Variants in ZNF518A observed in about 807,000 individuals in gnomAD.
ZNF518A encodes zinc finger protein 518.
In ZNF518A, 47 loss-of-function variants were observed where a neutral mutation model predicts 102.7. The observed-to-expected ratio is 0.46, with a 90% CI of 0.36 to 0.58. ZNF518A has a LOEUF of 0.58. Among genes scored for constraint, ZNF518A ranks in the 20% least tolerant of loss-of-function variants. The probability of loss-of-function intolerance (pLI) is 0.00; values close to 1 mark genes in which losing one functional copy is unlikely to be tolerated. For synonymous variants in ZNF518A, 652 were observed against 594.6 expected (o/e 1.10, Z -1.40); for missense variants, 1,793 against 1,699.8 (o/e 1.05, Z -0.96).
At chr10:96,144,325 G>A (rs1554877668) in intron 3 of ZNF518A, among the ~76,000 whole-genome samples, 1 of 151,960 alleles carries the variant, frequency 6.6e-6, no homozygotes, top group Non-Finnish European at 1.5e-5. Context: ...AAATTGCTTG[G>A]AATAAATACT....
At chr10:96,142,805 C>CT (rs782256155) in intron 3 of ZNF518A, among the ~76,000 whole-genome samples, 456 of 137,610 alleles carry the variant, frequency 3.3e-3, no homozygotes, top group Admixed American at 4.3e-3. Context: ...TGTGTGATTT[C>CT]TTTTTTTTTT....
intron 1 of ZNF518A, among the ~76,000 whole-genome samples, chr10:96,185,969 A>G (rs2083269651): frequency 6.6e-6 from 1 of 152,176 alleles, no homozygotes; most frequent in Admixed American, 6.5e-5. Context: ...CTTGCAGTTC[A>G]ATCTCAGACT....
At chr10:96,192,160 A>G in intron 1 of ZNF518A, 1 of 1,587,856 alleles carries the variant, frequency 6.3e-7, no homozygotes, top group Non-Finnish European at 8.6e-7. Context: ...CACTCCTCCC[A>G]TCTTCTCTCA....
downstream of ZNF518A, among the ~76,000 whole-genome samples, chr10:96,165,481 A>C (rs1179390494): frequency 6.9e-6 from 1 of 144,302 alleles, no homozygotes; most frequent in African/African-American, 2.4e-5. Context: ...AAAAAAAAAA[A>C]AAAAAAAACA....
In ZNF518A at chr10:96,158,526, GT is replaced by G; in HGVS notation, c.2205del (p.Ser735ArgfsTer7). ...AACATTGATGGACAAAACCTGTACAGTAATGAAAATCAAAATTTAGAGTGTG... is the reference window on the plus strand; with the variant it reads ...AACATTGATGGACAAAACCTGTACAGAATGAAAATCAAAATTTAGAGTGTG... ...GQNIDGQNLY[S>X]NENQNLECAT... On this transcript the variant is annotated frameshift_variant, in exon 6 of 6. Coordinates refer to ENST00000316045, the MANE Select transcript of ZNF518A (RefSeq NM_001330736.2). LOFTEE classifies it high-confidence loss of function. 1 of 1,612,776 alleles carries G rather than the reference GT, an allele frequency of 6.2e-7. No individual in the cohort carries two copies. The highest frequency in any genetic ancestry group is 8.5e-7 in the Non-Finnish European group (1 of 1,179,490).
intron 3 of ZNF518A, among the ~76,000 whole-genome samples, chr10:96,149,149 C>G (rs1367615938): frequency 2.0e-5 from 3 of 152,142 alleles, no homozygotes; most frequent in African/African-American, 4.8e-5. Context: ...TTATTAGATT[C>G]AACAGATAAG....
At position 96,158,706 on chromosome 10, in the gene ZNF518A, C is replaced by T. The variant is rs1554885003; in HGVS notation, c.2384C>T (p.Pro795Leu). 1 of 1,613,334 alleles carries T rather than the reference C, an allele frequency of 6.2e-7. No individual in the cohort carries two copies. The highest frequency in any genetic ancestry group is 1.3e-5 in the African/African-American group (1 of 75,002). Residue 795 changes from proline (P) to leucine (L), a missense_variant, in exon 6 of 6, where the codon CCT (proline) becomes CTT (leucine). This residue lies in a region of ZNF518A where 1,741 missense variants were observed against 1,622.6 expected (regional missense o/e 1.07). Transcript: ENST00000316045. The part of the protein sequence containing the change: ...QLLQDVLKIK[P>L]DVKQDSSNTP... ...CTTCAGGATGTATTGAAAATAAAAC[C>T]TGATGTAAAACAAGACTCTAGTAAC...
At position 96,157,574 on chromosome 10, in the gene ZNF518A, G is replaced by C; in HGVS notation, c.1252G>C (p.Ala418Pro). Residue 418 changes from alanine to proline, a missense_variant, in exon 6 of 6, where the codon GCT becomes CCT. Transcript: ENST00000316045. The stretch of plus-strand genomic sequence containing the variant: ...CGCTAGTTCAGGTTTCATGAAGACT[G>C]CTGTACTAGGACCTACACTGAAAAA... ...PNASSGFMKT[A>P]VLGPTLKNVM... 6.2e-7 allele frequency: 1 copy of C among 1,613,756 alleles called. No homozygotes were observed. The highest frequency in any genetic ancestry group is 8.5e-7 in the Non-Finnish European group (1 of 1,179,750).
At chr10:96,184,409 C>T (rs2083258623) in intron 1 of ZNF518A, among the ~76,000 whole-genome samples, 1 of 152,216 alleles carries the variant, frequency 6.6e-6, no homozygotes, top group East Asian at 1.9e-4. Flanking sequence ...ATGGTCTTTA[C>T]AATTTAGCAT....
Position 96,162,147 on chromosome 10 carries a change from A to G in ZNF518A, c.*1373A>G, listed in dbSNP as rs1011691841. On this transcript the variant is annotated 3_prime_UTR_variant, in exon 6 of 6. Transcript: ENST00000316045. ...AAACTTCAGGGCTTCTTTTCTGTATATAACAAATTAAGTCTGTACATATTT... is the reference window on the plus strand; with the variant it reads ...AAACTTCAGGGCTTCTTTTCTGTATGTAACAAATTAAGTCTGTACATATTT... 1 of 166,940 alleles carries G rather than the reference A, an allele frequency of 6.0e-6. No homozygotes were observed. The highest frequency in any genetic ancestry group is 1.5e-5 in the Non-Finnish European group (1 of 68,048). The allele number at this position is 166,940 out of a possible 1,614,324, so 10.3% of individuals were successfully genotyped here.
At chr10:96,167,783 C>G (rs2083150956), downstream of ZNF518A, among the ~76,000 whole-genome samples, 2 of 152,036 alleles carry the variant, frequency 1.3e-5, no homozygotes, top group Admixed American at 1.3e-4. Flanking sequence ...TAAATACAAG[C>G]AAAAACTGTA....
chr10:96,183,634 T>C (rs1554892230), intron 1 of ZNF518A, among the ~76,000 whole-genome samples: 2 of 152,224 alleles, frequency 1.3e-5, no homozygotes, highest in African/African-American at 4.8e-5. Flanking sequence ...TTGAGTGAGT[T>C]TCTTAATCCT....
Position 96,156,811 on chromosome 10 carries a change from GGT to G in ZNF518A, c.490_491del (p.Val164IlefsTer2). The G allele has an allele frequency of 6.2e-7, 1 of 1,613,814 alleles. No homozygotes were observed. Among genetic ancestry groups the G allele is most frequent in the Non-Finnish European group, 8.5e-7 (1 of 1,179,798 alleles). On this transcript the variant is annotated frameshift_variant, in exon 6 of 6. Coordinates refer to ENST00000316045, the MANE Select transcript of ZNF518A (RefSeq NM_001330736.2). LOFTEE classifies it high-confidence loss of function. The stretch of plus-strand genomic sequence containing the variant: ...GCAACTTTTCAGCAAATGACTTTCA[GGT>G]ATTTAAACAACACAGACGAACCCAT... ...MCNFSANDFQ[V>X]FKQHRRTHRS... is the part of the protein sequence containing the mutation.
Position 96,156,306 on chromosome 10 carries a change from A to G in ZNF518A, c.-17A>G. The G allele has an allele frequency of 1.9e-6, 3 of 1,541,726 alleles. No homozygotes were observed. In the South Asian group the frequency reaches 3.9e-5, roughly 20 times the overall value. Reference sequence around the variant, plus strand: ...AGTTTTCAGAAAAAAAGAAATTGGGACTTTTTTGGTTAAATCATGCCATCT... The same window carrying G: ...AGTTTTCAGAAAAAAAGAAATTGGGGCTTTTTTGGTTAAATCATGCCATCT... On this transcript the variant is annotated 5_prime_UTR_variant, in exon 6 of 6. Coordinates refer to ENST00000316045, the MANE Select transcript of ZNF518A (RefSeq NM_001330736.2).
chr10:96,174,422 A>G (rs893748707), intron 1 of ZNF518A, among the ~76,000 whole-genome samples: 2 of 152,154 alleles, frequency 1.3e-5, no homozygotes, highest in African/African-American at 4.8e-5. Flanking sequence ...AGCTTTAGCT[A>G]GACTGGCCAA....
At chr10:96,138,962 G>A (rs1366082033) in intron 3 of ZNF518A, among the ~76,000 whole-genome samples, 1 of 144,604 alleles carries the variant, frequency 6.9e-6, no homozygotes, top group African/African-American at 2.5e-5. Flanking sequence ...TTTTTTTTGA[G>A]GAAGGGATGG....
chr10:96,178,739 C>T (rs2083220735), intron 1 of ZNF518A, among the ~76,000 whole-genome samples: 1 of 151,874 alleles, frequency 6.6e-6, no homozygotes, highest in African/African-American at 2.4e-5. Context: ...AAAGAGGGGA[C>T]ATTACTACAG....
chr10:96,197,028 A>G (rs371617732), intron 1 of ZNF518A: 1 of 1,613,210 alleles, frequency 6.2e-7, no homozygotes, highest in Non-Finnish European at 8.5e-7. Context: ...GTTTGGAATC[A>G]TGGCCAGAGC....
intron 1 of ZNF518A, among the ~76,000 whole-genome samples, chr10:96,131,559 G>A (rs587644078): frequency 1.2e-4 from 19 of 152,244 alleles, no homozygotes; most frequent in Admixed American, 8.5e-4. Context: ...ATCATCCCTA[G>A]ATACAGAAAA....
Sources: gnomAD v4.1 joint callset for allele counts (sites outside exome capture counted in the v4.1 genomes callset) on GRCh38, gnomAD v4.1.1 for gene constraint, gnomAD v4.1.1 regional missense constraint, MANE v1.5 for transcripts, NCBI Gene and HGNC (gene_info 2026-07-23, HGNC 2026-07-21) for gene names.